The following USP30 variants were observed in gnomAD, a reference collection of about 807,000 sequenced individuals.
USP30 encodes the protein ubiquitin carboxyl-terminal hydrolase 30.
Under a neutral mutation model 68.2 loss-of-function variants are expected in USP30, and 41 were observed. The ratio of observed to expected loss-of-function variants is 0.60; its 90% CI spans 0.47 to 0.78. The LOEUF (loss-of-function observed/expected upper bound fraction) is 0.78, where lower values mean the gene tolerates loss of function less well. USP30 is among the 30% of genes least tolerant of loss of function. The probability of loss-of-function intolerance (pLI) is 0.00; values close to 1 mark genes in which losing one functional copy is unlikely to be tolerated. For synonymous variants in USP30, 229 were observed against 253.7 expected (o/e 0.90, Z 0.93); for missense variants, 522 against 649.4 (o/e 0.80, Z 2.13).
chr12:109,059,639 T>G (rs2040996854), intron 3 of USP30, among the ~76,000 whole-genome samples: 1 of 152,084 alleles, frequency 6.6e-6, no homozygotes, highest in Admixed American at 6.6e-5. Context: ...TCAGCCTCCC[T>G]AGTATCTGGG....
intron 7 of USP30, among the ~76,000 whole-genome samples, chr12:109,076,124 T>A (rs2041595854): frequency 6.6e-6 from 1 of 152,196 alleles, no homozygotes; most frequent in Non-Finnish European, 1.5e-5. Flanking sequence ...GGAACTGTAA[T>A]CTATAAGTTG....
rs182841004 is a variant in USP30 at position 109,070,486 on chromosome 12, G to T, written c.481-1126G>T. Among the ~76,000 whole-genome samples the T allele has an allele frequency of 3.2e-4, 49 of 152,340 alleles. No homozygotes were observed. The highest frequency in any genetic ancestry group is 1.0e-3 in the African/African-American group (42 of 41,566). On this transcript the variant is annotated intron_variant, in intron 4 of 12. Transcript: ENST00000257548. The surrounding 1 kb of genome is among the most constrained non-coding windows in gnomAD (Gnocchi z 4.0). Reference sequence around the variant, plus strand: ...GATATGTTCAAGGAACAGCAAAGAGGCCAGGGGCCGGGACATTGTGAATGT... The same window carrying T: ...GATATGTTCAAGGAACAGCAAAGAGTCCAGGGGCCGGGACATTGTGAATGT...
intron 2 of USP30, among the ~76,000 whole-genome samples, chr12:109,025,892 T>C (rs559784760): frequency 4.0e-4 from 61 of 152,180 alleles, no homozygotes; most frequent in Non-Finnish European, 7.5e-4. Flanking sequence ...TTTGCTTCAT[T>C]GCCCAGGCCG....
chr12:109,043,540 G>C (rs1414893395), intron 3 of USP30, among the ~76,000 whole-genome samples: 1 of 152,156 alleles, frequency 6.6e-6, no homozygotes, highest in Non-Finnish European at 1.5e-5. Flanking sequence ...AAAGAATGAA[G>C]TTGCCCCTTA....
intron 3 of USP30, among the ~76,000 whole-genome samples, chr12:109,040,032 T>C (rs2040552470): frequency 6.6e-6 from 1 of 152,260 alleles, no homozygotes; most frequent in Non-Finnish European, 1.5e-5. Flanking sequence ...AATTATCATA[T>C]GTAGATACTT....
chr12:109,031,957 T>C (rs1177570152), intron 3 of USP30, among the ~76,000 whole-genome samples: 1 of 151,632 alleles, frequency 6.6e-6, no homozygotes, highest in Non-Finnish European at 1.5e-5. Flanking sequence ...TTTTAATTAG[T>C]CAGGTGTCAT....
At chr12:109,069,426 C>A (rs533028660) in intron 4 of USP30, among the ~76,000 whole-genome samples, 2 of 152,356 alleles carry the variant, frequency 1.3e-5, no homozygotes, top group Admixed American at 1.3e-4. Context: ...GGCTGCCACA[C>A]CTCCCCTGGA....
At chr12:109,054,529 C>A (rs200429871) in intron 1 of USP30, among the ~76,000 whole-genome samples, 5 of 149,686 alleles carry the variant, frequency 3.3e-5, no homozygotes, top group African/African-American at 7.4e-5. Context: ...GACACTGTCT[C>A]AAAAAAAAAT....
chr12:109,043,192 T>C (rs944871201), intron 3 of USP30, among the ~76,000 whole-genome samples: 4 of 152,152 alleles, frequency 2.6e-5, no homozygotes, highest in African/African-American at 7.2e-5. Flanking sequence ...GTAGAGTAAA[T>C]ACAATCTCTG....
intron 1 of USP30, among the ~76,000 whole-genome samples, chr12:109,023,845 G>A (rs1477204361): frequency 6.6e-6 from 1 of 151,348 alleles, no homozygotes; most frequent in Admixed American, 6.6e-5. Flanking sequence ...ATCTTGGCCA[G>A]GCTGGTCTTG....
intron 3 of USP30, among the ~76,000 whole-genome samples, chr12:109,035,946 T>C (rs1201017336): frequency 6.6e-6 from 1 of 152,162 alleles, no homozygotes; most frequent in African/African-American, 2.4e-5. Flanking sequence ...GAGAATTGCT[T>C]GAGCTCAGGA....
intron 8 of USP30, chr12:109,081,617 ATG>A (rs1491089380): frequency 4.0e-6 from 2 of 497,032 alleles, no homozygotes; most frequent in East Asian, 6.8e-5. Flanking sequence ...ACACGCACGC[ATG>A]CGCGCACACA....
At chr12:109,028,337 A>G (rs1423841055) in intron 3 of USP30, among the ~76,000 whole-genome samples, 1 of 152,162 alleles carries the variant, frequency 6.6e-6, no homozygotes, top group Non-Finnish European at 1.5e-5. Flanking sequence ...CACAGTCTGC[A>G]GGCTGTACAG....
chr12:109,041,690 C>CA (rs1300272536), intron 3 of USP30, among the ~76,000 whole-genome samples: 3 of 151,820 alleles, frequency 2.0e-5, no homozygotes, highest in Non-Finnish European at 2.9e-5. Flanking sequence ...ATGAACTTAT[C>CA]AATCATATAA....
Position 109,079,339 on chromosome 12 carries a change from C to CTTTTT in USP30, c.721-1988_721-1984dup, listed in dbSNP as rs750712233. On this transcript the variant is annotated intron_variant, in intron 7 of 12. Coordinates refer to ENST00000257548, the MANE Select transcript of USP30 (RefSeq NM_032663.5). ...TTTTCTCTTTTTTTCTTTTCTTTTT[C>CTTTTT]TTTTTTTTTTTCTTTTTTTTTTTTT... Among the ~76,000 whole-genome samples, 283 of 62,250 alleles carry CTTTTT rather than the reference C, an allele frequency of 4.5e-3. 2 individuals are homozygous for CTTTTT. The highest frequency in any genetic ancestry group is 5.8e-3 in the African/African-American group (84 of 14,556). The allele number at this position is 62,250 out of a possible 152,430, so 40.8% of individuals were successfully genotyped here. A position where few individuals can be genotyped will look rare whatever the true frequency, so the allele number is the denominator to read the frequency against.
intron 3 of USP30, among the ~76,000 whole-genome samples, chr12:109,045,692 C>G (rs998155300): frequency 6.6e-6 from 1 of 152,158 alleles, no homozygotes; most frequent in African/African-American, 2.4e-5. Flanking sequence ...ATGTAGGTAC[C>G]TAGCATGGGG....
chr12:109,053,747 C>G, intron 1 of USP30: 2 of 267,382 alleles, frequency 7.5e-6, no homozygotes, highest in South Asian at 3.7e-5. Flanking sequence ...CCACTCTCCT[C>G]GTGATGTCAT....
chr12:109,056,205 T>G (rs971301131), intron 1 of USP30, among the ~76,000 whole-genome samples: 6 of 151,384 alleles, frequency 4.0e-5, no homozygotes, highest in Non-Finnish European at 4.4e-5. Flanking sequence ...TGTTGTTGTT[T>G]TTTATGAGAC....
chr12:109,082,565 T>A, intron 9 of USP30, 98 bp from the exon 10 acceptor site: 1 of 1,174,328 alleles, frequency 8.5e-7, no homozygotes, highest in Non-Finnish European at 1.2e-6. Flanking sequence ...AGCAGTCAAG[T>A]GCCAATTGTG....
Sources: allele counts gnomAD v4.1 joint callset (sites outside exome capture counted in the v4.1 genomes callset), GRCh38; gene constraint gnomAD v4.1.1; non-coding constraint Gnocchi (gnomAD v3.1); transcripts MANE v1.5; gene names NCBI Gene and HGNC (gene_info 2026-07-23, HGNC 2026-07-21).